The following EPG5 variants were observed in gnomAD, a reference collection of about 807,000 sequenced individuals.
The protein encoded by EPG5 is ectopic P-granules 5 autophagy tethering factor.
Under a neutral mutation model 302.7 loss-of-function variants are expected in EPG5, and 159 were observed. The observed-to-expected ratio is 0.53, with a 90% CI of 0.46 to 0.60. EPG5 has a LOEUF of 0.60. Ranked by LOEUF, EPG5 falls within the 20% of genes least tolerant of loss-of-function variation. The pLI, the probability that EPG5 is intolerant of heterozygous loss-of-function variation, is 0.00. For synonymous variants in EPG5, 1,158 were observed against 1,136.8 expected (o/e 1.02, Z -0.37); for missense variants, 2,896 against 3,092.4 (o/e 0.94, Z 1.51).
At chr18:45,939,098 G>A (rs1229021892) in intron 10 of EPG5, among the ~76,000 whole-genome samples, 2 of 152,232 alleles carry the variant, frequency 1.3e-5, no homozygotes, top group Non-Finnish European at 2.9e-5. Context: ...GTCCTAGGCT[G>A]TAAGCAGTGG....
At chr18:45,908,145 C>A (rs2049803855) in intron 23 of EPG5, 64 bp from the exon 24 acceptor site, 2 of 1,320,406 alleles carry the variant, frequency 1.5e-6, no homozygotes, top group South Asian at 2.7e-5. Flanking sequence ...AAGCTTCTTA[C>A]ATCTCTAGGA....
At chr18:45,858,464 A>G (rs2048563301) in intron 41 of EPG5, 102 bp downstream of exon 41, 1 of 806,398 alleles carries the variant, frequency 1.2e-6, no homozygotes, top group Non-Finnish European at 2.0e-6. Flanking sequence ...CTTATTTTTT[A>G]TGCACCTCTT....
intron 14 of EPG5, among the ~76,000 whole-genome samples, chr18:45,924,039 A>G (rs920415626): frequency 6.6e-6 from 1 of 152,066 alleles, no homozygotes; most frequent in African/African-American, 2.4e-5. Flanking sequence ...AAAAAAAAAA[A>G]AAAGAGAAAG....
chr18:45,944,227 T>C (rs2145913873), intron 7 of EPG5, 108 bp from the exon 8 acceptor site: 4 of 666,868 alleles, frequency 6.0e-6, no homozygotes, highest in Non-Finnish European at 1.1e-5. Context: ...ACATGTGATA[T>C]CCTCATGAGT....
At chr18:45,809,286 T>C in the EPG5 span, among the ~76,000 whole-genome samples, 40 of 152,070 alleles carry the variant, frequency 2.6e-4, no homozygotes, top group African/African-American at 9.7e-4. Flanking sequence ...GGGACTTCAA[T>C]ACTACACTAA....
At chr18:45,905,810 C>A (rs1326316739) in intron 24 of EPG5, among the ~76,000 whole-genome samples, 1 of 152,174 alleles carries the variant, frequency 6.6e-6, no homozygotes, top group Non-Finnish European at 1.5e-5. Context: ...ACCAAGAAAG[C>A]TATGGCTAAT....
intron 43 of EPG5, 136 bp downstream of exon 43, chr18:45,855,437 A>G (rs1459556390): frequency 3.3e-6 from 2 of 599,458 alleles, no homozygotes; most frequent in African/African-American, 3.7e-5. Flanking sequence ...TCCCGTAAGT[A>G]GGGCACATGA....
At chr18:45,831,806 C>T in the EPG5 span, among the ~76,000 whole-genome samples, 16 of 151,536 alleles carry the variant, frequency 1.1e-4, no homozygotes, top group Admixed American at 3.9e-4. Context: ...GGGGCAATCT[C>T]GGCTCACTGC....
chr18:45,936,374 G>A (rs1443637104), intron 10 of EPG5, among the ~76,000 whole-genome samples: 3 of 152,078 alleles, frequency 2.0e-5, no homozygotes, highest in East Asian at 1.9e-4. Context: ...GTATGTAAAT[G>A]TTATCACAAC....
At chr18:45,937,233 TATACACACACAC>T (rs1401171405) in intron 10 of EPG5, among the ~76,000 whole-genome samples, 3 of 76,314 alleles carry the variant, frequency 3.9e-5, no homozygotes, top group African/African-American at 1.7e-4. Context: ...TATACATATA[TATACACACACAC>T]ACACACACAC....
In EPG5 at chr18:45,916,137, C is replaced by A. The variant is rs780401402; in HGVS notation, c.3454G>T (p.Ala1152Ser). 3 of 1,613,946 alleles carry A rather than the reference C, an allele frequency of 1.9e-6. No individual in the cohort carries two copies. The African/African-American group carries it at 4.0e-5, about 22-fold the overall frequency. The change falls in exon 19 of 44, where the codon GCT becomes TCT. Residue 1152 changes from alanine to serine, a missense_variant. Transcript: ENST00000282041. ...TACCAGAGATGCTGGCTTATGAGAG[C>A]CTGAACCCAGAACTCCAACACAGCA... is the stretch of plus-strand genomic sequence containing the variant. Reference protein sequence around the residue: ...PVAVLEFWVQALISQHLWYRE... With the variant: ...PVAVLEFWVQSLISQHLWYRE...
Position 45,899,559 on chromosome 18 carries a change from C to T in EPG5, c.4654G>A (p.Ala1552Thr), listed in dbSNP as rs372801548. ...NLLQQQARTA[A>T]LRESQQVALD... The stretch of plus-strand genomic sequence containing the variant: ...GCAACCTGCTGAGATTCCCGAAGAG[C>T]TGCGGTTCTGAAAAACATCATCAGG... The change falls in exon 27 of 44, where the codon GCT (alanine) becomes ACT (threonine). Residue 1552 changes from alanine to threonine, a missense_variant. Physicochemically the swap from Ala to Thr is moderately conservative, Grantham distance 58 (BLOSUM62 0). Transcript: ENST00000282041. The T allele has an allele frequency of 1.2e-6, 2 of 1,613,846 alleles. No homozygotes were observed. The highest frequency in any genetic ancestry group is 1.7e-6 in the Non-Finnish European group (2 of 1,179,924).
At chr18:45,876,373 T>C (rs750285162) in intron 34 of EPG5, 31 bp from the exon 35 acceptor site, 3 of 1,558,458 alleles carry the variant, frequency 1.9e-6, no homozygotes, top group Non-Finnish European at 1.8e-6. Flanking sequence ...CACTTAGGAA[T>C]GCAACCGTGA....
At position 45,949,469 on chromosome 18, in the gene EPG5, G is replaced by A. The variant is rs1490196000; in HGVS notation, c.1497+15C>T. The stretch of plus-strand genomic sequence containing the variant: ...CTCCCCCAACCCCTCAGAATGAGTT[G>A]ATGATTCATCATACCTGGATAAAAG... On this transcript the variant is annotated intron_variant, in intron 5 of 43. Coordinates refer to ENST00000282041, the MANE Select transcript of EPG5 (RefSeq NM_020964.3). 2 of 1,528,102 alleles carry A rather than the reference G, an allele frequency of 1.3e-6. No individual in the cohort carries two copies. Among genetic ancestry groups the A allele is most frequent in the Admixed American group, 1.7e-5 (1 of 59,298 alleles). 94.7% of individuals were successfully genotyped at this position (1,528,102 alleles called of 1,614,324 possible).
Position 45,934,947 on chromosome 18 carries a change from T to C in EPG5, c.2119A>G (p.Met707Val). ...AGAGTCCCAAAGGGCATCTCGGACA[T>C]AAACAGCCAAATGCCAAGTCTGCAT... ...KAKRLGIWLF[M>V]SEMPFGTLSV... Residue 707 changes from methionine to valine, a missense_variant, in exon 11 of 44, where the codon ATG (methionine) becomes GTG (valine). Met to Val is a conservative substitution (Grantham distance 21). This residue lies in a region of EPG5 where 1,390 missense variants were observed against 1,430.0 expected (regional missense o/e 0.97). Coordinates refer to ENST00000282041, the MANE Select transcript of EPG5 (RefSeq NM_020964.3). The C allele has an allele frequency of 1.9e-6, 3 of 1,612,200 alleles. No homozygotes were observed. Among genetic ancestry groups the C allele is most frequent in the Middle Eastern group, 1.7e-4 (1 of 6,058 alleles).
At position 45,904,045 on chromosome 18, in the gene EPG5, G is replaced by A; in HGVS notation, c.4402C>T (p.Gln1468Ter). Residue 1468 changes from glutamine (Q) to a stop codon, truncating the protein, a stop_gained, in exon 25 of 44, where the codon CAG (glutamine) becomes TAG (stop). Coordinates refer to ENST00000282041, the MANE Select transcript of EPG5 (RefSeq NM_020964.3). LOFTEE classifies it high-confidence loss of function. ...EFQETVGLWT[Q>*]AKLESHSTPC... ...GTGGAATGGGACTCAAGCTTGGCCTGTGTCCACAGACCAACAGTCTCCTGA... is the reference window on the plus strand; with the variant it reads ...GTGGAATGGGACTCAAGCTTGGCCTATGTCCACAGACCAACAGTCTCCTGA... The A allele has an allele frequency of 6.2e-7, 1 of 1,613,358 alleles. No homozygotes were observed. Among genetic ancestry groups the A allele is most frequent in the Non-Finnish European group, 8.5e-7 (1 of 1,179,904 alleles).
the EPG5 span, among the ~76,000 whole-genome samples, chr18:45,814,239 T>C: frequency 6.6e-6 from 1 of 152,172 alleles, no homozygotes; most frequent in African/African-American, 2.4e-5. Flanking sequence ...AGGGGACAGG[T>C]AACATACACT....
chr18:45,837,858 G>A, the EPG5 span: 9 of 1,537,052 alleles, frequency 5.9e-6, no homozygotes, highest in African/African-American at 5.7e-5. Flanking sequence ...GTCCATGACC[G>A]CTACGAGAGC....
intron 16 of EPG5, among the ~76,000 whole-genome samples, chr18:45,918,929 C>A (rs2050090673): frequency 6.6e-6 from 1 of 152,084 alleles, no homozygotes; most frequent in Non-Finnish European, 1.5e-5. Flanking sequence ...GGTTATACTG[C>A]TTTAATTCTG....
Sources: gnomAD v4.1 joint callset for allele counts (sites outside exome capture counted in the v4.1 genomes callset) on GRCh38, gnomAD v4.1.1 for gene constraint, gnomAD v4.1.1 regional missense constraint, MANE v1.5 for transcripts, NCBI Gene and HGNC (gene_info 2026-07-23, HGNC 2026-07-21) for gene names.